The following AFDN variants were observed in gnomAD, a reference collection of about 807,000 sequenced individuals.
AFDN encodes afadin.
Under a neutral mutation model 216.6 loss-of-function variants are expected in AFDN, and 68 were observed. The ratio of observed to expected loss-of-function variants is 0.31; its 90% CI spans 0.26 to 0.38. The LOEUF is 0.38. AFDN is among the 10% of genes least tolerant of loss of function. The pLI, the probability that AFDN is intolerant of heterozygous loss-of-function variation, is 1.00. For synonymous variants in AFDN, 868 were observed against 853.7 expected, an observed-to-expected ratio of 1.02 and a Z score of -0.29; for missense variants, 2,136 against 2,342.0, an observed-to-expected ratio of 0.91 and a Z score of 1.82.
intron 1 of AFDN, among the ~76,000 whole-genome samples, chr6:167,836,958 G>C (rs1453247951): frequency 6.6e-6 from 1 of 152,246 alleles, no homozygotes; most frequent in Non-Finnish European, 1.5e-5. Flanking sequence ...TTATGACCTC[G>C]AATATTTAAA....
At position 167,962,463 on chromosome 6, in the gene AFDN, C is replaced by G. The variant is rs200524803; in HGVS notation, c.4864C>G (p.Gln1622Glu). 24 of 1,613,560 alleles carry G rather than the reference C, an allele frequency of 1.5e-5. No homozygotes were observed. The highest frequency in any genetic ancestry group is 1.9e-5 in the Non-Finnish European group (22 of 1,179,694). Residue 1622 changes from glutamine (Q) to glutamate (E), a missense_variant, in exon 31 of 34, where the codon CAG (glutamine) becomes GAG (glutamate). By Grantham distance (29) the Gln-to-Glu change is conservative. Coordinates refer to ENST00000683244, the MANE Select transcript of AFDN (RefSeq NM_001386888.1). The surrounding 1 kb of genome is among the most constrained non-coding windows in gnomAD (Gnocchi z 5.2). Reference sequence around the variant, plus strand: ...GGACGAGGAGCGGAGGCGGCAGCAGCAGTTAGAAGAGATGCGCAAGCGGGA... The same window carrying G: ...GGACGAGGAGCGGAGGCGGCAGCAGGAGTTAGAAGAGATGCGCAAGCGGGA... ...LQDEERRRQQQLEEMRKREAE... is the reference protein window; with the variant it reads ...LQDEERRRQQELEEMRKREAE...
chr6:167,865,985 A>G (rs984720005), intron 2 of AFDN, among the ~76,000 whole-genome samples: 5 of 152,154 alleles, frequency 3.3e-5, no homozygotes, highest in African/African-American at 7.2e-5. Context: ...TTCATCATTA[A>G]TGCCAAAACT....
At chr6:167,944,948 T>C (rs757563068) in intron 26 of AFDN, among the ~76,000 whole-genome samples, 1 of 152,090 alleles carries the variant, frequency 6.6e-6, no homozygotes, top group Non-Finnish European at 1.5e-5. Flanking sequence ...TTATCAACAC[T>C]CTACACTTAA....
chr6:167,952,579 ACGGGGT>A (rs1796114850), intron 30 of AFDN: 1 of 895,038 alleles, frequency 1.1e-6, no homozygotes, highest in Non-Finnish European at 1.3e-6. Flanking sequence ...TTTGCAGGCC[ACGGGGT>A]CTCTGGCAAC....
intron 11 of AFDN, among the ~76,000 whole-genome samples, chr6:167,899,515 G>A (rs370272242): frequency 9.2e-5 from 14 of 152,200 alleles, no homozygotes; most frequent in African/African-American, 2.9e-4. Context: ...TTGATCAGCC[G>A]TGTCCCTATT....
At chr6:167,846,605 G>A (rs1781708782) in intron 1 of AFDN, among the ~76,000 whole-genome samples, 1 of 148,788 alleles carries the variant, frequency 6.7e-6, no homozygotes, top group African/African-American at 2.5e-5. Flanking sequence ...TTGTTGTGAT[G>A]TATATTTATG....
rs181967546 is a variant in AFDN, at chr6:167,836,404, A to G, written c.105+9167A>G. 2.3e-3 allele frequency among the ~76,000 whole-genome samples: 346 copies of G among 152,246 alleles called. 1 individual carries two copies. Among genetic ancestry groups the G allele is most frequent in the African/African-American group, 7.8e-3 (325 of 41,538 alleles). ...TGTAAAGACGTCTTTTTCTCCTACT[A>G]TGTTTAGTTGTATTTTCCCTTGGCT... On this transcript the variant is annotated intron_variant, in intron 1 of 33. Coordinates refer to ENST00000683244, the MANE Select transcript of AFDN (RefSeq NM_001386888.1).
rs550282709 is a variant in AFDN at position 167,908,990 on chromosome 6, AT to A, written c.1769+1710del. On this transcript the variant is annotated intron_variant, in intron 13 of 33. Transcript: ENST00000683244. ...GGGGACGACTTTTAATTGTCACTAA[AT>A]TTTTTTTTCTTTTATCAATGACAAT... Among the ~76,000 whole-genome samples the A allele has an allele frequency of 5.5e-4, 84 of 151,838 alleles. 1 individual carries two copies. In the South Asian group the frequency reaches 0.015, roughly 27 times the overall value.
At chr6:167,915,613 AT>A (rs1359304292) in intron 19 of AFDN, among the ~76,000 whole-genome samples, 180 bp downstream of exon 19, 1 of 152,214 alleles carries the variant, frequency 6.6e-6, no homozygotes, top group African/African-American at 2.4e-5. Context: ...AGTACAGATT[AT>A]TTTTTCACTG....
chr6:167,913,929 G>A (rs771216465), intron 16 of AFDN: 1 of 508,310 alleles, frequency 2.0e-6, no homozygotes, highest in African/African-American at 1.9e-5. Context: ...ATAAATTGTA[G>A]CTAACTGAAT....
intron 29 of AFDN, among the ~76,000 whole-genome samples, chr6:167,950,457 C>T (rs1562733876): frequency 1.3e-5 from 2 of 152,050 alleles, no homozygotes; most frequent in Non-Finnish European, 2.9e-5. Context: ...CACACACACA[C>T]ATACCCCTAC....
intron 1 of AFDN, among the ~76,000 whole-genome samples, chr6:167,839,679 G>A (rs896596343): frequency 2.6e-5 from 4 of 152,000 alleles, no homozygotes; most frequent in African/African-American, 7.2e-5. Context: ...CCATTTCCAC[G>A]TTCACTCATT....
chr6:167,898,357 G>T lies in AFDN; in HGVS notation c.1470G>T (p.Gln490His). 6.2e-7 allele frequency: 1 copy of T among 1,614,200 alleles called. No individual in the cohort carries two copies. Among genetic ancestry groups the T allele is most frequent in the Non-Finnish European group, 8.5e-7 (1 of 1,180,034 alleles). ...TTMLQSGMKVQFGASHVFKFV... is the reference protein window; with the variant it reads ...TTMLQSGMKVHFGASHVFKFV... ...TGCTGCAGAGTGGCATGAAAGTGCA[G>T]TTTGGGGCGTCCCATGTATTTAAGT... Residue 490 changes from glutamine (Q) to histidine (H), a missense_variant, in exon 11 of 34, where the codon CAG becomes CAT. Transcript: ENST00000683244.
At chr6:167,932,146 C>G (rs1793386457) in intron 23 of AFDN, among the ~76,000 whole-genome samples, 1 of 152,100 alleles carries the variant, frequency 6.6e-6, no homozygotes, top group Non-Finnish European at 1.5e-5. Context: ...AAATTTTACC[C>G]CTAGTCATTT....
chr6:167,951,725 C>T lies in AFDN; in HGVS notation c.4371C>T (p.Asn1457=). 1 of 1,614,142 alleles carries T rather than the reference C, an allele frequency of 6.2e-7. No homozygotes were observed. The highest frequency in any genetic ancestry group is 8.5e-7 in the Non-Finnish European group (1 of 1,180,002). ...GCCAGATGCGCACTCAGTCCTTAAA[C>T]CCTGCTCCGTTTTCTCCCCTGACTG... ...KLGQMRTQSL[N]PAPFSPLTAQ... is the part of the protein sequence containing the mutation. The change falls in exon 30 of 34, where the codon AAC becomes AAT. Residue 1457 remains asparagine (N), a synonymous_variant. Transcript: ENST00000683244. This position sits in a 1 kb window ranked among gnomAD's most constrained non-coding sequence, Gnocchi z 7.1.
chr6:167,839,168 C>A (rs1780774924), intron 1 of AFDN, among the ~76,000 whole-genome samples: 1 of 152,106 alleles, frequency 6.6e-6, no homozygotes, highest in Admixed American at 6.5e-5. Context: ...AGTGTAATGG[C>A]ATCTTAGACA....
chr6:167,923,001 G>T, intron 22 of AFDN, 42 bp downstream of exon 22: 1 of 1,356,214 alleles, frequency 7.4e-7, no homozygotes, highest in Non-Finnish European at 1.0e-6. Context: ...TGGATCCTTA[G>T]GACTTGAAGA....
chr6:167,923,290 TATTTC>T, intron 22 of AFDN: 1 of 167,784 alleles, frequency 6.0e-6, no homozygotes, highest in Non-Finnish European at 1.3e-5. Flanking sequence ...TTGGCAGAAA[TATTTC>T]ATTCTTTTAT....
chr6:167,964,862 A>G (rs1482727283), intron 31 of AFDN: 1 of 1,065,128 alleles, frequency 9.4e-7, no homozygotes, highest in Non-Finnish European at 1.1e-6. Flanking sequence ...CTTCTTATTT[A>G]CTTTTTTCTT....
Sources: allele counts gnomAD v4.1 joint callset (sites outside exome capture counted in the v4.1 genomes callset), GRCh38; gene constraint gnomAD v4.1.1; non-coding constraint Gnocchi (gnomAD v3.1); transcripts MANE v1.5; gene names NCBI Gene and HGNC (gene_info 2026-07-23, HGNC 2026-07-21).